RARB: variants seen among roughly 807,000 people sequenced by gnomAD.
RARB encodes the protein HBV-activated protein.
Under a neutral mutation model 51.9 loss-of-function variants are expected in RARB, and 17 were observed. The ratio of observed to expected loss-of-function variants is 0.33; its 90% CI spans 0.22 to 0.49. The LOEUF (loss-of-function observed/expected upper bound fraction) is 0.49. RARB is among the 20% of genes least tolerant of loss of function. RARB has a pLI of 0.99. For synonymous variants in RARB, 215 were observed against 195.4 expected (o/e 1.10, Z -0.84); for missense variants, 369 against 550.8 (o/e 0.67, Z 3.30).
chr3:24,937,117 C>T (rs780743815), intron 2 of RARB, among the ~76,000 whole-genome samples: 2 of 152,180 alleles, frequency 1.3e-5, no homozygotes, highest in Non-Finnish European at 2.9e-5. Flanking sequence ...GTGATTGTCT[C>T]ATATAAGGCA....
At chr3:25,385,295 CT>C (rs1353634984) in intron 5 of RARB, among the ~76,000 whole-genome samples, 2 of 152,140 alleles carry the variant, frequency 1.3e-5, no homozygotes, top group African/African-American at 4.8e-5. Context: ...CCTGGTATGT[CT>C]TTATCAGACT....
chr3:25,136,268 G>A (rs867852066), intron 4 of RARB, among the ~76,000 whole-genome samples: 6 of 152,088 alleles, frequency 3.9e-5, no homozygotes, highest in Middle Eastern at 6.8e-3. Context: ...GTTGAATTGC[G>A]TGATTAATAC....
At chr3:25,250,570 G>A (rs1346433562) in intron 5 of RARB, among the ~76,000 whole-genome samples, 5 of 152,148 alleles carry the variant, frequency 3.3e-5, no homozygotes, top group Admixed American at 6.5e-5. Context: ...GTCACTGACA[G>A]TGGCTCATGA....
At chr3:25,156,219 C>T (rs571127325) in intron 4 of RARB, among the ~76,000 whole-genome samples, 9 of 152,242 alleles carry the variant, frequency 5.9e-5, no homozygotes, top group East Asian at 5.8e-4. Context: ...GATTTGATAA[C>T]GAATGGGTCT....
chr3:25,254,763 G>T (rs761256670), intron 5 of RARB, among the ~76,000 whole-genome samples: 2 of 152,076 alleles, frequency 1.3e-5, no homozygotes, highest in African/African-American at 4.8e-5. Flanking sequence ...AAAAGAAAAT[G>T]AAATAGGATA....
intron 2 of RARB, among the ~76,000 whole-genome samples, chr3:24,973,158 G>A (rs914203115): frequency 1.3e-5 from 2 of 152,148 alleles, no homozygotes; most frequent in African/African-American, 2.4e-5. Context: ...TTTGTGTATA[G>A]TGAGAGATAA....
At position 25,085,232 on chromosome 3, in the gene RARB, C is replaced by A. The variant is rs557549346; in HGVS notation, c.-328+25056C>A. 2.6e-5 allele frequency among the ~76,000 whole-genome samples: 4 copies of A among 152,212 alleles called. No individual in the cohort carries two copies. The South Asian group carries it at 6.2e-4, about 24-fold the overall frequency. ...TATTCAAAATATGAAAATAGAATTT[C>A]TTTAACAAACATAACAATGTAAATG... On this transcript the variant is annotated intron_variant, in intron 3 of 11. Coordinates refer to the RARB transcript ENST00000383772.
intron 2 of RARB, among the ~76,000 whole-genome samples, chr3:25,486,725 A>G (rs1696492557): frequency 6.6e-6 from 1 of 152,154 alleles, no homozygotes; most frequent in African/African-American, 2.4e-5. Context: ...ATGGTGAGGT[A>G]CTTTTTTGGC....
chr3:25,496,749 G>A (rs1697053747), intron 2 of RARB, among the ~76,000 whole-genome samples: 1 of 152,230 alleles, frequency 6.6e-6, no homozygotes, highest in Non-Finnish European at 1.5e-5. Flanking sequence ...AGTCAGAGAA[G>A]GCTTCCTGGC....
intron 5 of RARB, among the ~76,000 whole-genome samples, chr3:25,184,546 G>A (rs2125359466): frequency 6.6e-6 from 1 of 152,222 alleles, no homozygotes; most frequent in South Asian, 2.1e-4. Context: ...AGAAAGATAG[G>A]AAGTTGAAAA....
intron 5 of RARB, among the ~76,000 whole-genome samples, chr3:25,268,241 C>G (rs1329242408): frequency 2.0e-5 from 3 of 151,826 alleles, no homozygotes; most frequent in African/African-American, 2.4e-5. Context: ...TTTTTTAGGA[C>G]CAGGTAGATC....
chr3:24,893,654 A>G (rs2125365983), intron 2 of RARB, among the ~76,000 whole-genome samples: 1 of 152,084 alleles, frequency 6.6e-6, no homozygotes, highest in East Asian at 1.9e-4. Flanking sequence ...AGTAGCTAGA[A>G]GTACAGATGT....
chr3:25,235,794 T>C (rs1345429084), intron 5 of RARB, among the ~76,000 whole-genome samples: 1 of 151,698 alleles, frequency 6.6e-6, no homozygotes, highest in African/African-American at 2.4e-5. Context: ...TTACTCACTT[T>C]TGTTTTGTGC....
At chr3:24,876,402 C>T (rs994898470) in intron 2 of RARB, among the ~76,000 whole-genome samples, 9 of 152,166 alleles carry the variant, frequency 5.9e-5, no homozygotes, top group Admixed American at 3.3e-4. Context: ...TTAAGAGATG[C>T]TCTCTGCCTC....
chr3:24,866,319 CA>C (rs796432151), intron 2 of RARB, among the ~76,000 whole-genome samples: 123 of 152,240 alleles, frequency 8.1e-4, no homozygotes, highest in African/African-American at 2.8e-3. Context: ...GCCCACACCT[CA>C]AATCCACTCT....
intron 3 of RARB, among the ~76,000 whole-genome samples, chr3:25,565,600 T>C (rs1700461242): frequency 6.6e-6 from 1 of 152,046 alleles, no homozygotes; most frequent in African/African-American, 2.4e-5. Context: ...AACAAAACAA[T>C]GAAGGAACAA....
At chr3:25,016,976 T>C (rs1697523524) in intron 2 of RARB, among the ~76,000 whole-genome samples, 1 of 152,152 alleles carries the variant, frequency 6.6e-6, no homozygotes, top group African/African-American at 2.4e-5. Context: ...TCTTCCAACC[T>C]GGCCTTAGAA....
intron 2 of RARB, among the ~76,000 whole-genome samples, chr3:24,963,315 T>C (rs982866909): frequency 6.6e-6 from 1 of 151,318 alleles, no homozygotes; most frequent in Non-Finnish European, 1.5e-5. Flanking sequence ...AGTGAGTTCA[T>C]TGGAAACGCT....
chr3:24,838,640 A>G (rs1426566705), intron 1 of RARB, among the ~76,000 whole-genome samples: 1 of 152,250 alleles, frequency 6.6e-6, no homozygotes, highest in Non-Finnish European at 1.5e-5. Flanking sequence ...TAGTTTATTT[A>G]ATTTTATGAG....
Sources: allele counts gnomAD v4.1 joint callset (sites outside exome capture counted in the v4.1 genomes callset), GRCh38; gene constraint gnomAD v4.1.1; transcripts MANE v1.5; gene names NCBI Gene and HGNC (gene_info 2026-07-23, HGNC 2026-07-21).